Variants in MSI2 observed in about 807,000 individuals in gnomAD.
The protein encoded by MSI2 is RNA-binding protein Musashi homolog 2.
In MSI2, 17 loss-of-function variants were observed where a neutral mutation model predicts 45.6. The ratio of observed to expected loss-of-function variants is 0.37; its 90% CI spans 0.26 to 0.56. The LOEUF is 0.56. Among genes scored for constraint, MSI2 ranks in the 20% least tolerant of loss-of-function variants. The probability of loss-of-function intolerance (pLI) is 0.77; values close to 1 mark genes in which losing one functional copy is unlikely to be tolerated. For missense variants in MSI2, 293 were observed against 444.2 expected (o/e 0.66, Z 3.06); for synonymous variants, 156 against 158.2 (o/e 0.99, Z 0.11).
intron 5 of MSI2, among the ~76,000 whole-genome samples, chr17:57,327,236 T>C (rs1913874032): frequency 6.6e-6 from 1 of 152,152 alleles, no homozygotes; most frequent in Non-Finnish European, 1.5e-5. Flanking sequence ...ATTGTGCCAC[T>C]GCACTCCAGC....
intron 5 of MSI2, among the ~76,000 whole-genome samples, chr17:57,312,205 C>G (rs1912457244): frequency 6.6e-6 from 1 of 152,202 alleles, no homozygotes; most frequent in Non-Finnish European, 1.5e-5. Context: ...TGTATAGTTT[C>G]TTTTCGAGAG....
At chr17:57,586,848 TTAAA>T (rs1567918374) in intron 7 of MSI2, among the ~76,000 whole-genome samples, 2 of 84,380 alleles carry the variant, frequency 2.4e-5, no homozygotes, top group Non-Finnish European at 5.7e-5. Flanking sequence ...CCCCATCTCC[TTAAA>T]AAAAAAAAAA....
chr17:57,693,959 A>G, the MSI2 span, among the ~76,000 whole-genome samples: 1 of 152,226 alleles, frequency 6.6e-6, no homozygotes, highest in Non-Finnish European at 1.5e-5. Context: ...ATGGATATCA[A>G]AAGAAGAATA....
intron 7 of MSI2, among the ~76,000 whole-genome samples, chr17:57,583,970 C>G (rs1272807540): frequency 6.6e-6 from 1 of 152,202 alleles, no homozygotes; most frequent in African/African-American, 2.4e-5. Context: ...TTTTAATTTG[C>G]ATAAAATCAC....
chr17:57,614,026 G>A (rs1347075017), intron 8 of MSI2, among the ~76,000 whole-genome samples: 3 of 152,132 alleles, frequency 2.0e-5, no homozygotes, highest in Middle Eastern at 6.8e-3. Context: ...AACCCATAGA[G>A]GTTCCTTTTT....
At chr17:57,615,625 AT>A (rs1907612192) in intron 8 of MSI2, among the ~76,000 whole-genome samples, 1 of 152,140 alleles carries the variant, frequency 6.6e-6, no homozygotes, top group Non-Finnish European at 1.5e-5. Context: ...TATTGTTGTT[AT>A]TATTCACAGA....
intron 11 of MSI2, among the ~76,000 whole-genome samples, chr17:57,658,507 G>A (rs951812647): frequency 3.3e-5 from 5 of 152,284 alleles, no homozygotes; most frequent in East Asian, 1.9e-4. Flanking sequence ...ACAGCTGCCC[G>A]CTGCTGACCT....
intron 6 of MSI2, among the ~76,000 whole-genome samples, chr17:57,446,875 T>C (rs1292159364): frequency 1.3e-5 from 2 of 152,062 alleles, no homozygotes; most frequent in Non-Finnish European, 2.9e-5. Flanking sequence ...AAATGAACCT[T>C]TTGGGAAGAA....
At chr17:57,672,554 C>G (rs1912876409) in intron 11 of MSI2, among the ~76,000 whole-genome samples, 1 of 152,208 alleles carries the variant, frequency 6.6e-6, no homozygotes, top group Non-Finnish European at 1.5e-5. Flanking sequence ...CTAAACCTGC[C>G]TCTCCCCACC....
chr17:57,649,500 A>G (rs547675357), intron 10 of MSI2, among the ~76,000 whole-genome samples: 24 of 151,838 alleles, frequency 1.6e-4, no homozygotes, highest in Non-Finnish European at 2.9e-4. Flanking sequence ...ACACCCAACA[A>G]ACACACATTA....
At chr17:57,432,776 C>T (rs1448822223) in intron 6 of MSI2, among the ~76,000 whole-genome samples, 1 of 152,190 alleles carries the variant, frequency 6.6e-6, no homozygotes, top group Non-Finnish European at 1.5e-5. Context: ...CTCTTCCTGA[C>T]TCACTCGTTG....
At chr17:57,326,044 C>T (rs1489910155) in intron 5 of MSI2, among the ~76,000 whole-genome samples, 7 of 152,222 alleles carry the variant, frequency 4.6e-5, no homozygotes, top group East Asian at 1.9e-4. Context: ...TTCCTTCAAG[C>T]GGCAGCTTAA....
chr17:57,459,359 G>A (rs186696297), intron 6 of MSI2, among the ~76,000 whole-genome samples: 79 of 152,236 alleles, frequency 5.2e-4, no homozygotes, highest in Non-Finnish European at 9.0e-4. Context: ...GTCCTCAGTC[G>A]GACTTTCTAG....
intron 11 of MSI2, among the ~76,000 whole-genome samples, chr17:57,657,474 C>G (rs965472480): frequency 3.9e-5 from 6 of 152,176 alleles, no homozygotes; most frequent in Admixed American, 3.9e-4. Flanking sequence ...TGGCCTAAAT[C>G]CCAGGTCTGG....
chr17:57,660,439 G>A (rs1911909391), intron 11 of MSI2, among the ~76,000 whole-genome samples: 1 of 152,210 alleles, frequency 6.6e-6, no homozygotes, highest in African/African-American at 2.4e-5. Context: ...GGAAAAGGAA[G>A]AATGATGCCA....
intron 6 of MSI2, among the ~76,000 whole-genome samples, chr17:57,458,590 G>A (rs188104917): frequency 6.6e-6 from 1 of 152,268 alleles, no homozygotes; most frequent in African/African-American, 2.4e-5. Context: ...GTCTCTGACT[G>A]GGAACTGCTG....
intron 6 of MSI2, among the ~76,000 whole-genome samples, chr17:57,503,698 G>T (rs1019786068): frequency 6.6e-6 from 1 of 152,216 alleles, no homozygotes; most frequent in Non-Finnish European, 1.5e-5. Flanking sequence ...ATAAGATGTG[G>T]TTCCTGTTCA....
intron 5 of MSI2, among the ~76,000 whole-genome samples, chr17:57,330,300 T>G (rs1205750637): frequency 1.3e-5 from 2 of 151,866 alleles, no homozygotes; most frequent in Non-Finnish European, 2.9e-5. Context: ...TTTTTTTTTT[T>G]TTGAGACAGA....
intron 5 of MSI2, among the ~76,000 whole-genome samples, chr17:57,388,719 A>G (rs759313829): frequency 7.4e-5 from 11 of 148,290 alleles, no homozygotes; most frequent in East Asian, 2.0e-4. Flanking sequence ...AGTGGTGCCA[A>G]CTTGGCTCAC....
Sources: allele counts gnomAD v4.1 joint callset (sites outside exome capture counted in the v4.1 genomes callset), GRCh38; gene constraint gnomAD v4.1.1; transcripts MANE v1.5; gene names NCBI Gene and HGNC (gene_info 2026-07-23, HGNC 2026-07-21).